Variants in SERPINA9 observed in about 807,000 individuals in gnomAD.
SERPINA9 encodes the protein serpin family A member 9.
Under a neutral mutation model 24.5 loss-of-function variants are expected in SERPINA9, and 32 were observed. The ratio of observed to expected loss-of-function variants is 1.30; its 90% CI spans 0.98 to 1.75. The LOEUF is 1.75. Among genes scored for constraint, SERPINA9 ranks in the 40% most tolerant of loss-of-function variants. The pLI, the probability that SERPINA9 is intolerant of heterozygous loss-of-function variation, is 0.00. For synonymous variants in SERPINA9, 233 were observed against 197.7 expected (o/e 1.18, Z -1.50); for missense variants, 594 against 497.1 (o/e 1.19, Z -1.85).
intron 1 of SERPINA9, among the ~76,000 whole-genome samples, chr14:94,473,433 C>T (rs754942688): frequency 6.7e-6 from 1 of 148,688 alleles, no homozygotes; most frequent in Non-Finnish European, 1.5e-5. Context: ...ACAGGAGAAT[C>T]ACTTGAACCC....
chr14:94,464,170 CAT>C (rs1333381011), intron 4 of SERPINA9, among the ~76,000 whole-genome samples: 1 of 152,212 alleles, frequency 6.6e-6, no homozygotes, highest in Non-Finnish European at 1.5e-5. Context: ...CATGTGGACA[CAT>C]AGGCTCACTG....
At position 94,469,462 on chromosome 14, in the gene SERPINA9, CT is replaced by C; in HGVS notation, c.378del (p.Asp127ThrfsTer2). Reference protein sequence around the residue: ...HLVHSLTVPSKDLTLKMGSAL... With the variant: ...HLVHSLTVPSXDLTLKMGSAL... The stretch of plus-strand genomic sequence containing the variant: ...GCACTTCCCATCTTCAAGGTCAGGT[CT>C]TTGCTGGGAACAGTCAGTGAGTGAA... On this transcript the variant is annotated frameshift_variant, in exon 2 of 5. Coordinates refer to ENST00000674397, the MANE Select transcript of SERPINA9 (RefSeq NM_175739.4). LOFTEE classifies it high-confidence loss of function. 6.2e-7 allele frequency: 1 copy of C among 1,614,188 alleles called. No individual in the cohort carries two copies. The highest frequency in any genetic ancestry group is 8.5e-7 in the Non-Finnish European group (1 of 1,180,046).
intron 1 of SERPINA9, among the ~76,000 whole-genome samples, chr14:94,471,031 T>C (rs1899289155): frequency 1.3e-5 from 2 of 152,158 alleles, no homozygotes; most frequent in Admixed American, 1.3e-4. Context: ...TGTGCTCCAA[T>C]AGGTCACATC....
intron 1 of SERPINA9, among the ~76,000 whole-genome samples, chr14:94,475,016 A>T (rs1899515695): frequency 6.6e-6 from 1 of 151,976 alleles, no homozygotes; most frequent in Admixed American, 6.5e-5. Flanking sequence ...ATCTTTGAGG[A>T]CCCAGCTGTT....
At chr14:94,475,809 CA>C in intron 1 of SERPINA9, 1 of 433,602 alleles carries the variant, frequency 2.3e-6, no homozygotes. Context: ...GACACAACAA[CA>C]AAAACACTCC....
chr14:94,464,819 G>A lies in SERPINA9; in HGVS notation c.938C>T (p.Ser313Phe). The change falls in exon 4 of 5, where the codon TCT becomes TTT. Residue 313 changes from serine (S) to phenylalanine (F), a missense_variant. Coordinates refer to ENST00000674397, the MANE Select transcript of SERPINA9 (RefSeq NM_175739.4). ...IEVFIPRFSI[S>F]ASYNLETILP... ...GATGGTTTCCAGATTGTAGGAGGCA[G>A]AAATGGAAAATCTGGGGATGAACAC... 1 of 1,613,792 alleles carries A rather than the reference G, an allele frequency of 6.2e-7. No homozygotes were observed. The highest frequency in any genetic ancestry group is 8.5e-7 in the Non-Finnish European group (1 of 1,179,728).
chr14:94,476,004 A>G (rs535891883), intron 1 of SERPINA9, 132 bp downstream of exon 1: 4 of 1,390,014 alleles, frequency 2.9e-6, no homozygotes, highest in Middle Eastern at 3.9e-4. Context: ...AAAGCCAACT[A>G]ATGTGTCTAG....
chr14:94,475,746 G>A (rs541045389), intron 1 of SERPINA9, among the ~76,000 whole-genome samples: 1 of 152,208 alleles, frequency 6.6e-6, no homozygotes, highest in Non-Finnish European at 1.5e-5. Flanking sequence ...GATCCTTGCT[G>A]TTAGTTTGGA....
intron 1 of SERPINA9, 167 bp downstream of exon 1, chr14:94,475,969 C>A (rs1013984093): frequency 1.3e-4 from 131 of 994,864 alleles, no homozygotes; most frequent in Non-Finnish European, 1.9e-4. Context: ...TCTGTATCCA[C>A]AAAAATGTGA....
chr14:94,476,111 C>G (rs780366772), intron 1 of SERPINA9, 25 bp downstream of exon 1: 1 of 1,614,122 alleles, frequency 6.2e-7, no homozygotes, highest in South Asian at 1.1e-5. Flanking sequence ...CATTCCCGAT[C>G]TCTCTGCACC....
chr14:94,466,406 C>G (rs1372632699), intron 3 of SERPINA9, among the ~76,000 whole-genome samples: 2 of 152,210 alleles, frequency 1.3e-5, no homozygotes, highest in Admixed American at 6.5e-5. Flanking sequence ...CAATCTCTTT[C>G]TTGAATTCCA....
At chr14:94,475,379 C>G (rs998608635) in intron 1 of SERPINA9, among the ~76,000 whole-genome samples, 4 of 152,108 alleles carry the variant, frequency 2.6e-5, no homozygotes, top group African/African-American at 7.2e-5. Context: ...GGATGCCCAC[C>G]CTGCTACATG....
Position 94,465,660 on chromosome 14 carries a change from T to G in SERPINA9, c.903-806A>C, listed in dbSNP as rs113478451. ...CTCCTGCCTCAGCCTCCCAAGTAGCTGGGATTACAGGTGTACGTGGCCATG... is the reference window on the plus strand; with the variant it reads ...CTCCTGCCTCAGCCTCCCAAGTAGCGGGGATTACAGGTGTACGTGGCCATG... On this transcript the variant is annotated intron_variant, in intron 3 of 4. Transcript: ENST00000674397. Among the ~76,000 whole-genome samples, 1,479 of 152,266 alleles carry G rather than the reference T, an allele frequency of 9.7e-3. 17 individuals are homozygous for G. Among genetic ancestry groups the G allele is most frequent in the African/African-American group, 0.021 (883 of 41,550 alleles).
At chr14:94,476,027 T>G (rs1899631055) in intron 1 of SERPINA9, 109 bp downstream of exon 1, 1 of 1,539,922 alleles carries the variant, frequency 6.5e-7, no homozygotes. Flanking sequence ...TCTCATCTTA[T>G]TTGACTTCCC....
intron 3 of SERPINA9, 114 bp from the exon 4 acceptor site, chr14:94,464,968 G>A: frequency 1.1e-6 from 1 of 902,656 alleles, no homozygotes; most frequent in Non-Finnish European, 1.6e-6. Context: ...GCTAATTTCT[G>A]CTAAAAAGGT....
chr14:94,470,104 G>A lies in SERPINA9; in HGVS notation c.-17-247C>T, dbSNP rs139900707. 82 of 960,590 alleles carry A rather than the reference G, an allele frequency of 8.5e-5. 1 individual carries two copies. In the African/African-American group the frequency reaches 1.3e-3, roughly 15 times the overall value. 59.5% of individuals were successfully genotyped at this position (960,590 alleles called of 1,614,324 possible). ...GCAACTTACCCCAAATAGCATGGTT[G>A]ACTTGTCTGTGTTCTGTGTGGGCTT... On this transcript the variant is annotated intron_variant, in intron 1 of 4. Transcript: ENST00000674397.
chr14:94,470,074 T>A (rs1899239644), intron 1 of SERPINA9: 1 of 711,364 alleles, frequency 1.4e-6, no homozygotes, highest in Non-Finnish European at 2.0e-6. Context: ...CCACAGAGAG[T>A]CTGTGCAACT....
At position 94,476,160 on chromosome 14, in the gene SERPINA9, C is replaced by T. The variant is rs767013285; in HGVS notation, c.-42G>A. The stretch of plus-strand genomic sequence containing the variant: ...CCTTTGCAGGTTCCTCTTCTCCTGC[C>T]CTGTCCTTGCATGGTTGGTGAGCCC... On this transcript the variant is annotated 5_prime_UTR_variant, in exon 1 of 5. Transcript: ENST00000674397. 3.0e-5 allele frequency: 49 copies of T among 1,614,182 alleles called. No individual in the cohort carries two copies. In the East Asian group the frequency reaches 1.0e-3, roughly 33 times the overall value.
intron 1 of SERPINA9, among the ~76,000 whole-genome samples, chr14:94,474,528 G>A (rs1217931984): frequency 1.3e-5 from 2 of 152,098 alleles, no homozygotes; most frequent in African/African-American, 4.8e-5. Flanking sequence ...TTGCTCTCTT[G>A]GGGGAAAACC....
Sources: gnomAD v4.1 joint callset for allele counts (sites outside exome capture counted in the v4.1 genomes callset) on GRCh38, gnomAD v4.1.1 for gene constraint, MANE v1.5 for transcripts, NCBI Gene and HGNC (gene_info 2026-07-23, HGNC 2026-07-21) for gene names.